The following NXPH1 variants were observed in gnomAD, a reference collection of about 807,000 sequenced individuals.
NXPH1 encodes neurexophilin-1.
Under a neutral mutation model 23.7 loss-of-function variants are expected in NXPH1, and 5 were observed. The ratio of observed to expected loss-of-function variants is 0.21; its 90% confidence interval spans 0.11 to 0.44. The LOEUF (loss-of-function observed/expected upper bound fraction) is 0.44, where lower values mean the gene tolerates loss of function less well. Ranked by LOEUF, NXPH1 falls within the 20% of genes least tolerant of loss-of-function variation. The pLI is 0.99. For synonymous variants in NXPH1, 144 were observed against 122.2 expected, an observed-to-expected ratio of 1.18 and a Z score of -1.18; for missense variants, 324 against 321.6, an observed-to-expected ratio of 1.01 and a Z score of -0.06.
At position 8,530,924 on chromosome 7, in the gene NXPH1, A is replaced by G. The variant is rs552323981; in HGVS notation, c.54+95157A>G. ...ACATGTTTTTGAGGTTCAGTTAGCA[A>G]TGAGGTATATTTATTCTGGGATGTA... On this transcript the variant is annotated intron_variant, in intron 2 of 2. Transcript: ENST00000405863. 2.0e-5 allele frequency among the ~76,000 whole-genome samples: 3 copies of G among 152,364 alleles called. No individual in the cohort carries two copies. In the East Asian group the frequency reaches 5.8e-4, roughly 29 times the overall value.
intron 2 of NXPH1, among the ~76,000 whole-genome samples, chr7:8,711,967 C>T (rs1325387358): frequency 6.6e-6 from 1 of 152,228 alleles, no homozygotes; most frequent in Admixed American, 6.5e-5. Flanking sequence ...ATTATGTTCA[C>T]ATTATCTGCC....
At chr7:8,455,524 C>G (rs1816579883) in intron 2 of NXPH1, among the ~76,000 whole-genome samples, 1 of 152,198 alleles carries the variant, frequency 6.6e-6, no homozygotes, top group South Asian at 2.1e-4. Flanking sequence ...CAGGACATTT[C>G]AGCTCACAAG....
intron 2 of NXPH1, among the ~76,000 whole-genome samples, chr7:8,577,563 C>T (rs1268752020): frequency 1.3e-5 from 2 of 152,166 alleles, no homozygotes; most frequent in Admixed American, 1.3e-4. Flanking sequence ...CCATAGTTCC[C>T]TTCAAACATT....
intron 2 of NXPH1, among the ~76,000 whole-genome samples, chr7:8,572,477 A>G (rs964292867): frequency 6.6e-6 from 1 of 152,038 alleles, no homozygotes; most frequent in Non-Finnish European, 1.5e-5. Flanking sequence ...CATACGTTTT[A>G]GCACCTCATT....
chr7:8,454,072 C>T (rs1471366754), intron 2 of NXPH1, among the ~76,000 whole-genome samples: 1 of 136,006 alleles, frequency 7.4e-6, no homozygotes, highest in Non-Finnish European at 1.5e-5. Flanking sequence ...GAGAACAACA[C>T]ACACTGGGGC....
chr7:8,743,482 T>A (rs959762773), intron 2 of NXPH1, among the ~76,000 whole-genome samples: 5 of 152,070 alleles, frequency 3.3e-5, no homozygotes, highest in African/African-American at 1.2e-4. Flanking sequence ...GCCAGAATAG[T>A]TGAAGTGGGA....
rs2128603399 is a variant in NXPH1 at position 8,435,824 on chromosome 7, A to G, written c.54+57A>G. 2 of 1,511,258 alleles carry G rather than the reference A, an allele frequency of 1.3e-6. No individual in the cohort carries two copies. The highest frequency in any genetic ancestry group is 2.3e-5 in the East Asian group (1 of 44,366). 93.6% of individuals were successfully genotyped at this position (1,511,258 alleles called of 1,614,324 possible). ...TTTTACCCCGGCCGGGAGGCAAGGAAACTGGGGACACGCGGGAGAAGGGTT... is the reference window on the plus strand; with the variant it reads ...TTTTACCCCGGCCGGGAGGCAAGGAGACTGGGGACACGCGGGAGAAGGGTT... On this transcript the variant is annotated intron_variant, in intron 2 of 2. Coordinates refer to ENST00000405863, the MANE Select transcript of NXPH1 (RefSeq NM_152745.3). This position sits in a 1 kb window ranked among gnomAD's most constrained non-coding sequence, Gnocchi z 5.9.
At chr7:8,614,616 G>A (rs1320837654) in intron 2 of NXPH1, among the ~76,000 whole-genome samples, 1 of 151,848 alleles carries the variant, frequency 6.6e-6, no homozygotes, top group Admixed American at 6.6e-5. Context: ...ATATATGTAG[G>A]TATGTATATG....
At position 8,437,776 on chromosome 7, in the gene NXPH1, A is replaced by C. The variant is rs1816221595; in HGVS notation, c.54+2009A>C. On this transcript the variant is annotated intron_variant, in intron 2 of 2. Transcript: ENST00000405863. ...AACTGGGAGCATTTGAAAACCATTC[A>C]GTGTGCAAATTATGCTGATTCAATT... Among the ~76,000 whole-genome samples the C allele has an allele frequency of 2.0e-5, 3 of 152,240 alleles. 1 individual carries two copies. In the South Asian group the frequency reaches 6.2e-4, roughly 31 times the overall value.
intron 2 of NXPH1, among the ~76,000 whole-genome samples, chr7:8,739,156 C>T (rs1277672374): frequency 7.9e-6 from 1 of 126,554 alleles, no homozygotes; most frequent in East Asian, 2.3e-4. Context: ...ACTGGAGTTC[C>T]AGGCACCAGT....
intron 2 of NXPH1, among the ~76,000 whole-genome samples, chr7:8,657,775 C>T (rs1437761897): frequency 6.6e-6 from 1 of 152,228 alleles, no homozygotes; most frequent in African/African-American, 2.4e-5. Flanking sequence ...CTCCTGTAAT[C>T]CCAGCACTTT....
chr7:8,514,157 G>C (rs1264997979), intron 2 of NXPH1, among the ~76,000 whole-genome samples: 2 of 152,092 alleles, frequency 1.3e-5, no homozygotes, highest in Non-Finnish European at 2.9e-5. Context: ...CTAAGGTACT[G>C]AAAGTTAGAA....
chr7:8,580,915 T>C (rs772808576), intron 2 of NXPH1, among the ~76,000 whole-genome samples: 9 of 152,158 alleles, frequency 5.9e-5, no homozygotes, highest in Non-Finnish European at 8.8e-5. Flanking sequence ...ACATTTTCCT[T>C]TTTATTTGGA....
At chr7:8,504,542 C>G (rs548141830) in intron 2 of NXPH1, among the ~76,000 whole-genome samples, 2 of 152,018 alleles carry the variant, frequency 1.3e-5, no homozygotes, top group East Asian at 1.9e-4. Flanking sequence ...CAGTTTCTAT[C>G]TCTTAGTCAT....
chr7:8,642,849 C>CT lies in NXPH1; in HGVS notation c.55-108149dup, dbSNP rs199774206. 3.0e-3 allele frequency among the ~76,000 whole-genome samples: 454 copies of CT among 149,146 alleles called. 4 individuals carry two copies. The highest frequency in any genetic ancestry group is 0.01 in the African/African-American group (419 of 40,706). On this transcript the variant is annotated intron_variant, in intron 2 of 2. Coordinates refer to ENST00000405863, the MANE Select transcript of NXPH1 (RefSeq NM_152745.3). ...TTTACTATGGATGTCTGGGCATATA[C>CT]TTTTTTTTTTCCTTTTTCTTTTCTT...
At chr7:8,441,432 G>A (rs558869790) in intron 2 of NXPH1, among the ~76,000 whole-genome samples, 8 of 152,252 alleles carry the variant, frequency 5.3e-5, no homozygotes, top group Admixed American at 2.0e-4. Context: ...AGATTGGCAT[G>A]TTGACGACTC....
chr7:8,657,573 T>C (rs1445335454), intron 2 of NXPH1, among the ~76,000 whole-genome samples: 1 of 152,206 alleles, frequency 6.6e-6, no homozygotes, highest in Admixed American at 6.5e-5. Context: ...TGAGGGCTCA[T>C]GGCAGCTGAA....
At chr7:8,485,110 G>C (rs1419099198) in intron 2 of NXPH1, among the ~76,000 whole-genome samples, 1 of 152,130 alleles carries the variant, frequency 6.6e-6, no homozygotes, top group African/African-American at 2.4e-5. Flanking sequence ...GTCATGGGAG[G>C]GACCCGGTGC....
intron 2 of NXPH1, among the ~76,000 whole-genome samples, chr7:8,480,636 C>G (rs1035570984): frequency 1.3e-5 from 2 of 152,192 alleles, no homozygotes; most frequent in Non-Finnish European, 2.9e-5. Flanking sequence ...TGCCTTAACA[C>G]TCCCTGAATA....
Sources: allele counts gnomAD v4.1 joint callset (sites outside exome capture counted in the v4.1 genomes callset), GRCh38; gene constraint gnomAD v4.1.1; non-coding constraint Gnocchi (gnomAD v3.1); transcripts MANE v1.5; gene names NCBI Gene and HGNC (gene_info 2026-07-23, HGNC 2026-07-21).